The following MAD1L1 variants were observed in gnomAD, a reference collection of about 807,000 sequenced individuals.
MAD1L1 encodes mitotic spindle assembly checkpoint protein MAD1.
Under a neutral mutation model 96.9 loss-of-function variants are expected in MAD1L1, and 95 were observed. The ratio of observed to expected loss-of-function variants is 0.98; its 90% CI spans 0.83 to 1.16. The LOEUF is 1.16. Ranked by LOEUF, MAD1L1 falls within the 50% of genes most tolerant of loss-of-function variation. MAD1L1 has a pLI of 0.00. For missense variants in MAD1L1, 1,007 were observed against 954.4 expected (o/e 1.06, Z -0.73); for synonymous variants, 473 against 396.6 (o/e 1.19, Z -2.29).
intron 13 of MAD1L1, among the ~76,000 whole-genome samples, chr7:2,008,966 G>A (rs1297964874): frequency 6.6e-6 from 1 of 152,220 alleles, no homozygotes; most frequent in Non-Finnish European, 1.5e-5. Flanking sequence ...AGGCTGTGGG[G>A]AGAGGGTTTC....
At position 2,225,619 on chromosome 7, in the gene MAD1L1, T is replaced by C; in HGVS notation, c.151-69A>G. The C allele has an allele frequency of 3.9e-6, 6 of 1,535,824 alleles. No individual in the cohort carries two copies. The South Asian group carries it at 4.6e-5, about 12-fold the overall frequency. ...GCATCAAACCAGGTGAGTGACTCAG[T>C]GCAGCAGACACACTCCCTGAGGACC... On this transcript the variant is annotated intron_variant, in intron 3 of 18. Coordinates refer to ENST00000265854, the MANE Select transcript of MAD1L1 (RefSeq NM_001013836.2).
intron 5 of MAD1L1, among the ~76,000 whole-genome samples, chr7:2,221,471 T>A (rs1192904467): frequency 6.6e-6 from 1 of 150,878 alleles, no homozygotes; most frequent in Non-Finnish European, 1.5e-5. Context: ...TCTGGACCCC[T>A]CCAGGACCCC....
chr7:2,162,197 G>A (rs528664840), intron 10 of MAD1L1, among the ~76,000 whole-genome samples: 1 of 152,256 alleles, frequency 6.6e-6, no homozygotes, highest in Non-Finnish European at 1.5e-5. Context: ...TACTGTGTCT[G>A]TGTAGAAAGA....
intron 18 of MAD1L1, chr7:1,874,681 T>G (rs1323378708): frequency 8.0e-6 from 3 of 373,998 alleles, no homozygotes; most frequent in Non-Finnish European, 1.6e-5. Flanking sequence ...GCACACCACC[T>G]GCTACCTGCT....
At chr7:2,230,168 G>C in intron 2 of MAD1L1, 25 bp from the exon 3 acceptor site, 1 of 1,561,046 alleles carries the variant, frequency 6.4e-7, no homozygotes, top group South Asian at 1.2e-5. Flanking sequence ...CAAAGGACTG[G>C]TCAGGGGCAG....
chr7:2,161,484 G>A (rs2128588564), intron 10 of MAD1L1, among the ~76,000 whole-genome samples: 1 of 152,206 alleles, frequency 6.6e-6, no homozygotes, highest in Non-Finnish European at 1.5e-5. Context: ...GCCTGACTTG[G>A]CCTCCCAAAG....
intron 18 of MAD1L1, among the ~76,000 whole-genome samples, chr7:1,819,558 T>G (rs6951456): frequency 0.7 from 106,772 of 152,098 alleles, 39,012 homozygotes; most frequent in African/African-American, 0.9. Flanking sequence ...GGGCCAGGGA[T>G]TGTGTGCCCG....
At chr7:2,013,621 C>T (rs930565391) in intron 13 of MAD1L1, among the ~76,000 whole-genome samples, 2 of 152,274 alleles carry the variant, frequency 1.3e-5, no homozygotes, top group African/African-American at 2.4e-5. Flanking sequence ...GTAAGGCACC[C>T]GGCGGCGGCG....
chr7:2,163,126 G>T (rs2128589875), intron 10 of MAD1L1, among the ~76,000 whole-genome samples: 1 of 152,222 alleles, frequency 6.6e-6, no homozygotes, highest in Non-Finnish European at 1.5e-5. Flanking sequence ...TTAATTAAAT[G>T]ATGTAATTAC....
At chr7:2,070,521 A>G (rs902530546) in intron 11 of MAD1L1, among the ~76,000 whole-genome samples, 1 of 152,174 alleles carries the variant, frequency 6.6e-6, no homozygotes, top group African/African-American at 2.4e-5. Flanking sequence ...GCCAGGAAAG[A>G]AGAGAGGCCA....
At chr7:2,153,836 C>G (rs1466272313) in intron 10 of MAD1L1, among the ~76,000 whole-genome samples, 5 of 152,216 alleles carry the variant, frequency 3.3e-5, no homozygotes, top group Admixed American at 6.5e-5. Context: ...GATGTACACA[C>G]AGTGGAATGC....
chr7:2,218,080 C>T, intron 6 of MAD1L1, 37 bp from the exon 7 acceptor site: 2 of 1,532,860 alleles, frequency 1.3e-6, no homozygotes, highest in Non-Finnish European at 1.8e-6. Context: ...CAGAAACAGG[C>T]ATGCGGCAAG....
At chr7:2,106,994 G>A (rs1418044363) in intron 11 of MAD1L1, among the ~76,000 whole-genome samples, 6 of 152,052 alleles carry the variant, frequency 3.9e-5, no homozygotes, top group East Asian at 3.9e-4. Flanking sequence ...GGCTCCTGAC[G>A]CCGTGTGTTC....
chr7:2,094,008 C>T (rs1383949586), intron 11 of MAD1L1, among the ~76,000 whole-genome samples: 1 of 152,220 alleles, frequency 6.6e-6, no homozygotes, highest in African/African-American at 2.4e-5. Context: ...TCTCAGGCCA[C>T]GCGGGCGCAG....
chr7:2,115,963 G>A (rs540998701), intron 11 of MAD1L1, among the ~76,000 whole-genome samples: 20 of 150,250 alleles, frequency 1.3e-4, no homozygotes, highest in Admixed American at 6.0e-4. Flanking sequence ...ATGCGGCTGC[G>A]CTGCCGGAGA....
chr7:1,982,588 G>A (rs1017199093), intron 14 of MAD1L1, among the ~76,000 whole-genome samples: 8 of 152,146 alleles, frequency 5.3e-5, no homozygotes, highest in African/African-American at 1.2e-4. Context: ...AATTCCGACC[G>A]ACAGCAGCAG....
chr7:2,219,845 G>A (rs1014535510), intron 5 of MAD1L1, among the ~76,000 whole-genome samples: 10 of 152,174 alleles, frequency 6.6e-5, no homozygotes, highest in African/African-American at 2.4e-4. Flanking sequence ...AGCTGACAGA[G>A]GAGACCGGGC....
At chr7:1,928,812 G>A (rs1465311294) in intron 17 of MAD1L1, among the ~76,000 whole-genome samples, 1 of 152,178 alleles carries the variant, frequency 6.6e-6, no homozygotes, top group Non-Finnish European at 1.5e-5. Context: ...TCTGGCCGTG[G>A]GAGGGCACAG....
At position 2,216,010 on chromosome 7, in the gene MAD1L1, C is replaced by T. The variant is rs1320630646; in HGVS notation, c.810-11G>A. ...GTCTCTCTCATCTCCCTGGCAGTGC[C>T]ACAAAGAGTCGCTCAAATAGCCACA... On this transcript the variant is annotated splice_polypyrimidine_tract_variant and intron_variant, in intron 8 of 18. Coordinates refer to ENST00000265854, the MANE Select transcript of MAD1L1 (RefSeq NM_001013836.2). 4 of 1,613,634 alleles carry T rather than the reference C, an allele frequency of 2.5e-6. No homozygotes were observed. In the Admixed American group the frequency reaches 5.0e-5, roughly 20 times the overall value.
Sources: allele counts gnomAD v4.1 joint callset (sites outside exome capture counted in the v4.1 genomes callset), GRCh38; gene constraint gnomAD v4.1.1; transcripts MANE v1.5; gene names NCBI Gene and HGNC (gene_info 2026-07-23, HGNC 2026-07-21).